Variants in ICAM2 observed in about 807,000 individuals in gnomAD.
ICAM2 encodes the protein intercellular adhesion molecule 2, also known as ICAM-2.
ICAM2 carries 14 observed loss-of-function variants against 19.1 expected under a neutral mutation model. That is an observed-to-expected ratio of 0.73 (90% confidence interval 0.48 to 1.15). The LOEUF (loss-of-function observed/expected upper bound fraction) is 1.15. Ranked by LOEUF, ICAM2 falls within the 50% of genes most tolerant of loss-of-function variation. ICAM2 has a pLI of 0.00. For missense variants in ICAM2, 311 were observed against 355.4 expected, an observed-to-expected ratio of 0.88 and a Z score of 1.00; for synonymous variants, 153 against 152.7, an observed-to-expected ratio of 1.00 and a Z score of -0.01.
intron 3 of ICAM2, 163 bp downstream of exon 3, chr17:64,004,944 C>A (rs1344685700): frequency 1.3e-6 from 1 of 775,960 alleles, no homozygotes; most frequent in East Asian, 2.7e-5. Flanking sequence ...AGGCATCCAA[C>A]CAAGGGCTGG....
intron 1 of ICAM2, among the ~76,000 whole-genome samples, chr17:64,011,551 T>G (rs1488838868): frequency 1.3e-5 from 2 of 152,080 alleles, no homozygotes; most frequent in Non-Finnish European, 2.9e-5. Flanking sequence ...AAACCCACAA[T>G]GAGATATCAC....
intron 1 of ICAM2, among the ~76,000 whole-genome samples, chr17:64,015,169 T>G (rs1458584569): frequency 6.6e-6 from 1 of 152,158 alleles, no homozygotes; most frequent in Non-Finnish European, 1.5e-5. Flanking sequence ...TTTTGCAAGA[T>G]GGAAAAATTT....
Position 64,003,907 on chromosome 17 carries a change from G to A in ICAM2, c.386C>T (p.Ser129Phe). Residue 129 changes from serine to phenylalanine, a missense_variant, in exon 4 of 5, where the codon TCC becomes TTC. Physicochemically the swap from Ser to Phe is radical, Grantham distance 155 (BLOSUM62 -2). Transcript: ENST00000579788. ...GGGCACCCTGCACTCAATGGTGAAG[G>A]ACTTGCCCACAGCCACCAAAGTGGG... ...LQPTLVAVGK[S>F]FTIECRVPTV... The A allele has an allele frequency of 6.2e-7, 1 of 1,614,176 alleles. No individual in the cohort carries two copies. Among genetic ancestry groups the A allele is most frequent in the Non-Finnish European group, 8.5e-7 (1 of 1,180,008 alleles).
chr17:64,003,404 G>C (rs2143170242), intron 4 of ICAM2: 2 of 557,766 alleles, frequency 3.6e-6, no homozygotes, highest in Non-Finnish European at 3.2e-6. Context: ...GAGCCGTCAA[G>C]GTCATGGGGC....
chr17:64,006,799 G>T, intron 1 of ICAM2, 64 bp from the exon 2 acceptor site: 2 of 937,580 alleles, frequency 2.1e-6, no homozygotes, highest in Admixed American at 2.2e-5. Context: ...TCTGCAAACT[G>T]ATGACTGCAT....
intron 1 of ICAM2, among the ~76,000 whole-genome samples, chr17:64,018,333 C>CAAAAAAAAA (rs376250303): frequency 2.1e-4 from 11 of 52,532 alleles, no homozygotes; most frequent in Middle Eastern, 0.017. Context: ...GACTCTATCT[C>CAAAAAAAAA]AAAAAAAAAA....
At chr17:64,013,848 A>G (rs1346007436) in intron 1 of ICAM2, among the ~76,000 whole-genome samples, 1 of 152,112 alleles carries the variant, frequency 6.6e-6, no homozygotes, top group Non-Finnish European at 1.5e-5. Flanking sequence ...TAGAACTATA[A>G]AGAGGTAAAA....
chr17:64,012,604 GA>G (rs944064676), intron 1 of ICAM2, among the ~76,000 whole-genome samples: 7 of 151,060 alleles, frequency 4.6e-5, no homozygotes, highest in African/African-American at 1.2e-4. Context: ...TGTTTCAAAA[GA>G]AAAAAAAATT....
chr17:64,012,426 C>T (rs1911492252), intron 1 of ICAM2, among the ~76,000 whole-genome samples: 1 of 152,070 alleles, frequency 6.6e-6, no homozygotes. Context: ...GGTGGAACCC[C>T]ATTTCTACTA....
chr17:64,013,892 T>G (rs1293761280), intron 1 of ICAM2, among the ~76,000 whole-genome samples: 1 of 151,986 alleles, frequency 6.6e-6, no homozygotes, highest in African/African-American at 2.4e-5. Context: ...AACATATGTC[T>G]CTTACTTATG....
intron 4 of ICAM2, chr17:64,003,265 C>G (rs1910930910): frequency 4.7e-6 from 2 of 424,644 alleles, no homozygotes; most frequent in Non-Finnish European, 8.6e-6. Flanking sequence ...TTGGGCAGAG[C>G]TGAGTGAACT....
At chr17:64,006,337 T>C in intron 2 of ICAM2, 1 of 322,352 alleles carries the variant, frequency 3.1e-6, no homozygotes, top group Admixed American at 4.7e-5. Flanking sequence ...CTGCCATCTC[T>C]ACAAAAAATA....
chr17:64,014,759 AAGAAAG>A (rs1322071309), intron 1 of ICAM2, among the ~76,000 whole-genome samples: 2 of 136,506 alleles, frequency 1.5e-5, no homozygotes, highest in African/African-American at 5.1e-5. Context: ...GAAAGAAAGA[AAGAAAG>A]AAAAAGAAAG....
At chr17:64,015,365 A>T (rs551486963) in intron 1 of ICAM2, among the ~76,000 whole-genome samples, 2 of 152,328 alleles carry the variant, frequency 1.3e-5, no homozygotes, top group South Asian at 4.1e-4. Flanking sequence ...GACAAATATA[A>T]CTTACCAAAC....
At chr17:64,004,862 T>G in intron 3 of ICAM2, 1 of 585,724 alleles carries the variant, frequency 1.7e-6, no homozygotes, top group Non-Finnish European at 3.1e-6. Flanking sequence ...GGCTAAATGT[T>G]GGTTAGATTG....
chr17:64,014,587 G>A (rs1043336953), intron 1 of ICAM2, among the ~76,000 whole-genome samples: 1 of 131,650 alleles, frequency 7.6e-6, no homozygotes, highest in East Asian at 2.4e-4. Context: ...AAGGAAGGAA[G>A]GAAGAAAGAA....
At chr17:64,014,305 C>T (rs1911565756) in intron 1 of ICAM2, among the ~76,000 whole-genome samples, 1 of 55,704 alleles carries the variant, frequency 1.8e-5, no homozygotes, top group Admixed American at 2.9e-4. Flanking sequence ...AAGATCACAT[C>T]TGAAAGAAGG....
At chr17:64,018,991 A>G (rs971301233) in intron 1 of ICAM2, among the ~76,000 whole-genome samples, 14 of 151,924 alleles carry the variant, frequency 9.2e-5, no homozygotes, top group Non-Finnish European at 1.2e-4. Flanking sequence ...AAGTGCTGGG[A>G]TTACAGGCAT....
intron 2 of ICAM2, chr17:64,006,103 G>C (rs962634806): frequency 1.0e-4 from 16 of 156,558 alleles, no homozygotes; most frequent in Admixed American, 8.2e-4. Flanking sequence ...CAGTGCAAAG[G>C]CTGGGGCAGG....
Sources: allele counts gnomAD v4.1 joint callset (sites outside exome capture counted in the v4.1 genomes callset), GRCh38; gene constraint gnomAD v4.1.1; transcripts MANE v1.5; gene names NCBI Gene and HGNC (gene_info 2026-07-23, HGNC 2026-07-21).